POLG: variants seen among roughly 807,000 people sequenced by gnomAD.
The protein encoded by POLG is DNA polymerase gamma, catalytic subunit, also known as DNA polymerase subunit gamma-1.
In POLG, 110 loss-of-function variants were observed where a neutral mutation model predicts 155.4. The observed-to-expected ratio is 0.71, with a 90% CI of 0.61 to 0.83. The LOEUF is 0.83. POLG is among the 40% of genes least tolerant of loss of function. POLG has a pLI of 0.00. For missense variants in POLG, 1,685 were observed against 1,627.5 expected (o/e 1.04, Z -0.61); for synonymous variants, 701 against 631.5 (o/e 1.11, Z -1.65).
chr15:89,333,211 C>G lies in POLG; in HGVS notation c.544G>C (p.Gly182Arg), dbSNP rs768242927. The change falls in exon 2 of 23, where the codon GGG becomes CGG. Residue 182 changes from glycine (G) to arginine (R), a missense_variant. By Grantham distance (125) the Gly-to-Arg change is moderately radical. Transcript: ENST00000268124. The part of the protein sequence containing the change: ...AEGWTRYGPE[G>R]EAVPVAIPEE... ...GGGATGGCCACGGGTACGGCCTCCC[C>G]CTCGGGGCCGTACCGGGTCCAGCCC... is the stretch of plus-strand genomic sequence containing the variant. 2.5e-6 allele frequency: 4 copies of G among 1,577,378 alleles called. No homozygotes were observed. The African/African-American group carries it at 4.1e-5, about 16-fold the overall frequency.
chr15:89,317,227 C>G, intron 22 of POLG, 149 bp downstream of exon 22: 1 of 711,596 alleles, frequency 1.4e-6, no homozygotes, highest in South Asian at 1.6e-5. Flanking sequence ...ACTCTGGACA[C>G]AGGGCACCTT....
chr15:89,326,819 G>A (rs2055526667), intron 8 of POLG, 81 bp from the exon 9 acceptor site: 1 of 1,607,620 alleles, frequency 6.2e-7, no homozygotes, highest in African/African-American at 1.3e-5. Context: ...ATCTCCAGAA[G>A]GCTGGAGCAA....
intron 11 of POLG, 64 bp from the exon 12 acceptor site, chr15:89,323,965 C>T (rs892401886): frequency 6.4e-5 from 98 of 1,537,450 alleles, no homozygotes; most frequent in Non-Finnish European, 8.1e-5. Context: ...TCCACCAGCC[C>T]CTCCCTGCAT....
intron 6 of POLG, 31 bp from the exon 7 acceptor site, chr15:89,327,380 A>G (rs2055537076): frequency 6.2e-7 from 1 of 1,607,942 alleles, no homozygotes; most frequent in Non-Finnish European, 8.5e-7. Flanking sequence ...GCTGCCATAA[A>G]TGACCACAGG....
intron 18 of POLG, 102 bp downstream of exon 18, chr15:89,320,663 AG>A (rs2152060823): frequency 7.6e-7 from 1 of 1,311,042 alleles, no homozygotes; most frequent in African/African-American, 1.4e-5. Context: ...GCTAGGTGAG[AG>A]TTCAAGTAAT....
chr15:89,332,162 G>A (rs1358939051), intron 2 of POLG: 1 of 152,096 alleles, frequency 6.6e-6, no homozygotes, highest in Non-Finnish European at 1.5e-5. Context: ...ATTGTAACTG[G>A]AACTCAATCA....
chr15:89,317,877 G>T (rs907949896), intron 21 of POLG: 1 of 370,144 alleles, frequency 2.7e-6, no homozygotes, highest in Non-Finnish European at 5.2e-6. Context: ...ATAACCTCCC[G>T]GAGATGATGA....
Position 89,317,551 on chromosome 15 carries a change from A to G in POLG, c.3483-15T>C, listed in dbSNP as rs373925878. 6 of 1,613,298 alleles carry G rather than the reference A, an allele frequency of 3.7e-6. No individual in the cohort carries two copies. The highest frequency in any genetic ancestry group is 2.2e-5 in the East Asian group (1 of 44,890). ...CAAACATGCACCTGAAAGAGACCCAATCTACTCTCACAGTCATGCCCCTCC... is the reference window on the plus strand; with the variant it reads ...CAAACATGCACCTGAAAGAGACCCAGTCTACTCTCACAGTCATGCCCCTCC... On this transcript the variant is annotated splice_polypyrimidine_tract_variant and intron_variant, in intron 21 of 22. Coordinates refer to ENST00000268124, the MANE Select transcript of POLG (RefSeq NM_002693.3).
At position 89,324,139 on chromosome 15, in the gene POLG, G is replaced by A. The variant is rs373066911; in HGVS notation, c.2038C>T (p.Leu680=). The change falls in exon 11 of 23, where the codon CTG becomes TTG. Residue 680 remains leucine (L), a synonymous_variant. Coordinates refer to ENST00000268124, the MANE Select transcript of POLG (RefSeq NM_002693.3). ...PQEAGLAEEF[L]LTDNSAIWQT... ...CATATGGCACTATTGTCAGTGAGCA[G>A]GAACTCCTCCGCCAGGCCGGCCTCC... is the stretch of plus-strand genomic sequence containing the variant. 4 of 1,613,960 alleles carry A rather than the reference G, an allele frequency of 2.5e-6. No homozygotes were observed. The highest frequency in any genetic ancestry group is 3.4e-6 in the Non-Finnish European group (4 of 1,180,030).
Position 89,324,159 on chromosome 15 carries a change from G to A in POLG, c.2018C>T (p.Ala673Val), listed in dbSNP as rs1417421638. ...GAGCAGGAACTCCTCCGCCAGGCCG[G>A]CCTCCTGGGGCATCAGCTGCTGCTT... is the stretch of plus-strand genomic sequence containing the variant. ...QGKQQLMPQE[A>V]GLAEEFLLTD... The change falls in exon 11 of 23, where the codon GCC becomes GTC. Residue 673 changes from alanine to valine, a missense_variant. By Grantham distance (64) the Ala-to-Val change is moderately conservative (BLOSUM62 0). This residue lies in a region of POLG where 1,210 missense variants were observed against 1,167.1 expected (regional missense o/e 1.04). Transcript: ENST00000268124. 9 of 1,613,894 alleles carry A rather than the reference G, an allele frequency of 5.6e-6. No homozygotes were observed.
At chr15:89,329,661 G>A (rs1383813979) in intron 3 of POLG, among the ~76,000 whole-genome samples, 1 of 152,172 alleles carries the variant, frequency 6.6e-6, no homozygotes, top group East Asian at 1.9e-4. Context: ...TTGACATGCA[G>A]GCATTGTTCC....
intron 22 of POLG, 138 bp from the exon 23 acceptor site, chr15:89,316,965 C>T: frequency 1.4e-6 from 1 of 721,798 alleles, no homozygotes; most frequent in Non-Finnish European, 2.5e-6. Context: ...GGTAATGTTA[C>T]ATGTTAGGAG....
chr15:89,327,480 TC>T, intron 6 of POLG, 131 bp from the exon 7 acceptor site: 1 of 794,366 alleles, frequency 1.3e-6, no homozygotes, highest in Non-Finnish European at 2.1e-6. Context: ...CGGCATTAAA[TC>T]CCAGCTCTAC....
chr15:89,318,763 G>A lies in POLG; in HGVS notation c.3274-14C>T, dbSNP rs753390068. ...GCTGGTCATAAACTGGGAAGGGAAG[G>A]TGGGCAGAGGTGAAAGGGGCTATGC... On this transcript the variant is annotated splice_polypyrimidine_tract_variant and intron_variant, in intron 20 of 22. Transcript: ENST00000268124. 6.2e-7 allele frequency: 1 copy of A among 1,610,738 alleles called. No homozygotes were observed. Among genetic ancestry groups the A allele is most frequent in the Admixed American group, 1.7e-5 (1 of 60,016 alleles).
At position 89,322,977 on chromosome 15, in the gene POLG, C is replaced by T. The variant is rs1041003117; in HGVS notation, c.2266-75G>A. On this transcript the variant is annotated intron_variant, in intron 13 of 22. Transcript: ENST00000268124. ...GGTGGGGAACCAACGTGAGTACCTGCACTCCTCCCAACACTGAGCCCAGAA... is the reference window on the plus strand; with the variant it reads ...GGTGGGGAACCAACGTGAGTACCTGTACTCCTCCCAACACTGAGCCCAGAA... 6 of 1,432,438 alleles carry T rather than the reference C, an allele frequency of 4.2e-6. No individual in the cohort carries two copies. The African/African-American group carries it at 5.6e-5, about 13-fold the overall frequency. 88.7% of individuals were successfully genotyped at this position (1,432,438 alleles called of 1,614,324 possible).
intron 10 of POLG, among the ~76,000 whole-genome samples, chr15:89,325,209 A>T (rs1567189813): frequency 1.5e-5 from 1 of 67,386 alleles, no homozygotes; most frequent in African/African-American, 6.4e-5. Context: ...TGAGTGAGAG[A>T]GTGAGTGAGT....
chr15:89,333,448 T>C lies in POLG; in HGVS notation c.307A>G (p.Ser103Gly), dbSNP rs1445254741. 1.2e-6 allele frequency: 2 copies of C among 1,610,422 alleles called. No individual in the cohort carries two copies. Among genetic ancestry groups the C allele is most frequent in the South Asian group, 1.1e-5 (1 of 91,080 alleles). The change falls in exon 2 of 23, where the codon AGC becomes GGC. Residue 103 changes from serine to glycine, a missense_variant. Ser to Gly is a moderately conservative substitution (Grantham distance 56, BLOSUM62 0). Transcript: ENST00000268124. ...EMPGEAAVRR[S>G]VEHLQKHGLW... ...CCGTGCTTCTGCAGGTGCTCGACGC[T>C]GCGGCGCACCGCGGCCTCGCCAGGC... is the stretch of plus-strand genomic sequence containing the variant.
Position 89,333,596 on chromosome 15 carries a change from T to TTGC in POLG, c.156_158dup (p.Gln55dup), listed in dbSNP as rs41550117. On this transcript the variant is annotated inframe_insertion, in exon 2 of 23. Transcript: ENST00000268124. Reference sequence around the variant, plus strand: ...GCACTTGCGGCTGCTGAGGCTGCTGTTGCTGCTGCTGCTGCTGCTGCTGCT... The same window carrying TTGC: ...GCACTTGCGGCTGCTGAGGCTGCTGTTGCTGCTGCTGCTGCTGCTGCTGCTGCT... 163,491 of 1,597,358 alleles carry TTGC rather than the reference T, an allele frequency of 0.1. 6,315 individuals are homozygous for TTGC. The highest frequency in any genetic ancestry group is 0.2 in the African/African-American group (14,473 of 74,046).
chr15:89,319,262 C>T lies in POLG; in HGVS notation c.3070G>A (p.Asp1024Asn). ...RTEGGWISLQ[D>N]LRKVQRETAR... ...GTTTCTCTCTGGACCTTGCGCAGAT[C>T]CTGCAGGGAAATCCAGCCACCCTCA... Residue 1024 changes from aspartate to asparagine, a missense_variant, in exon 19 of 23, where the codon GAT (aspartate) becomes AAT (asparagine). Physicochemically the swap from Asp to Asn is conservative, Grantham distance 23 (BLOSUM62 1). This residue lies in a region of POLG where 470 missense variants were observed against 439.9 expected (regional missense o/e 1.07). Transcript: ENST00000268124. 1 of 1,614,188 alleles carries T rather than the reference C, an allele frequency of 6.2e-7. No individual in the cohort carries two copies. Among genetic ancestry groups the T allele is most frequent in the Non-Finnish European group, 8.5e-7 (1 of 1,180,040 alleles).
Sources: allele counts gnomAD v4.1 joint callset (sites outside exome capture counted in the v4.1 genomes callset), GRCh38; gene constraint gnomAD v4.1.1; regional missense constraint gnomAD v4.1.1; transcripts MANE v1.5; gene names NCBI Gene and HGNC (gene_info 2026-07-23, HGNC 2026-07-21).